The following ATRNL1 variants were observed in gnomAD, a reference collection of about 807,000 sequenced individuals.
ATRNL1 encodes the protein attractin like 1.
ATRNL1 carries 95 observed loss-of-function variants against 182.7 expected under a neutral mutation model. That is an observed-to-expected ratio of 0.52 (90% CI 0.44 to 0.62). The LOEUF is 0.62. Among genes scored for constraint, ATRNL1 ranks in the 20% least tolerant of loss-of-function variants. The pLI, the probability that ATRNL1 is intolerant of heterozygous loss-of-function variation, is 0.00. For missense variants in ATRNL1, 1,471 were observed against 1,679.5 expected (o/e 0.88, Z 2.17); for synonymous variants, 576 against 568.3 (o/e 1.01, Z -0.19).
intron 26 of ATRNL1, among the ~76,000 whole-genome samples, chr10:115,576,428 T>C (rs77975797): frequency 6.6e-6 from 1 of 152,140 alleles, no homozygotes; most frequent in Non-Finnish European, 1.5e-5. Context: ...ATAGCCATCA[T>C]AACATGTGTC....
chr10:115,588,830 C>T lies in ATRNL1; in HGVS notation c.3795+39294C>T, dbSNP rs573752111. On this transcript the variant is annotated intron_variant, in intron 26 of 28. Coordinates refer to ENST00000355044, the MANE Select transcript of ATRNL1 (RefSeq NM_207303.4). ...GTGCATCTATGGAAGGAGGGAAAAT[C>T]AAGAGCTTCCTATTCTTCCATCTTG... Among the ~76,000 whole-genome samples the T allele has an allele frequency of 2.5e-4, 38 of 152,324 alleles. No homozygotes were observed. In the South Asian group the frequency reaches 7.7e-3, roughly 31 times the overall value.
chr10:115,495,876 G>A (rs1163932885), intron 24 of ATRNL1, among the ~76,000 whole-genome samples: 4 of 151,968 alleles, frequency 2.6e-5, no homozygotes, highest in African/African-American at 9.7e-5. Context: ...GAATATTTTT[G>A]TTAGTTTTCT....
chr10:115,475,679 T>C lies in ATRNL1; in HGVS notation c.3654+6350T>C, dbSNP rs564165409. ...TCATGATGATTATGTGAGATAGTTATGTGAAACAAAACCTTACCTATTGCA... is the reference window on the plus strand; with the variant it reads ...TCATGATGATTATGTGAGATAGTTACGTGAAACAAAACCTTACCTATTGCA... On this transcript the variant is annotated intron_variant, in intron 24 of 28. Coordinates refer to ENST00000355044, the MANE Select transcript of ATRNL1 (RefSeq NM_207303.4). Among the ~76,000 whole-genome samples, 7 of 151,574 alleles carry C rather than the reference T, an allele frequency of 4.6e-5. No individual in the cohort carries two copies. In the South Asian group the frequency reaches 1.4e-3, roughly 31 times the overall value.
chr10:115,129,993 AC>A (rs1376067087), intron 5 of ATRNL1, among the ~76,000 whole-genome samples: 1 of 152,200 alleles, frequency 6.6e-6, no homozygotes, highest in African/African-American at 2.4e-5. Context: ...TTTAAAAAGA[AC>A]TAGACTATTT....
chr10:115,267,999 G>T (rs1216288671), intron 12 of ATRNL1, among the ~76,000 whole-genome samples: 1 of 152,066 alleles, frequency 6.6e-6, no homozygotes, highest in Admixed American at 6.6e-5. Flanking sequence ...GACCTCAAGT[G>T]ATCCGTCTAC....
chr10:115,877,736 C>T (rs1295709430), intron 28 of ATRNL1, among the ~76,000 whole-genome samples: 1 of 152,202 alleles, frequency 6.6e-6, no homozygotes, highest in Middle Eastern at 3.2e-3. Flanking sequence ...GTTCAGCCAA[C>T]CACATAACTA....
At chr10:115,458,548 C>G (rs778107664) in intron 21 of ATRNL1, among the ~76,000 whole-genome samples, 161 of 152,022 alleles carry the variant, frequency 1.1e-3, no homozygotes, top group Non-Finnish European at 1.4e-3. Context: ...ATTTTCAACT[C>G]TATTAAATAT....
At chr10:115,326,022 A>G (rs187441804) in intron 18 of ATRNL1, among the ~76,000 whole-genome samples, 129 of 152,100 alleles carry the variant, frequency 8.5e-4, no homozygotes, top group South Asian at 3.5e-3. Flanking sequence ...TTTTGTTTTT[A>G]CCTGAGTGAA....
At chr10:115,560,877 A>G (rs552495976) in intron 26 of ATRNL1, among the ~76,000 whole-genome samples, 1 of 152,296 alleles carries the variant, frequency 6.6e-6, no homozygotes, top group Non-Finnish European at 1.5e-5. Context: ...TGATTTTTAC[A>G]AGGGTACCAA....
chr10:115,188,718 C>T (rs992175514), intron 8 of ATRNL1, among the ~76,000 whole-genome samples: 1 of 128,742 alleles, frequency 7.8e-6, no homozygotes. Flanking sequence ...ATGAGTTTCT[C>T]CTCTGCTCTT....
At chr10:115,301,621 C>G (rs1321674760) in intron 16 of ATRNL1, among the ~76,000 whole-genome samples, 1 of 152,146 alleles carries the variant, frequency 6.6e-6, no homozygotes, top group East Asian at 1.9e-4. Flanking sequence ...AATTATACAA[C>G]TTTATATACT....
chr10:115,664,288 CAGCTTCACCATAGCAAAAGCATAGCAA>C (rs1860874652), intron 26 of ATRNL1, among the ~76,000 whole-genome samples: 3 of 152,140 alleles, frequency 2.0e-5, no homozygotes, highest in African/African-American at 7.2e-5. Flanking sequence ...AAAGTAGTAA[CAGCTTCACCATAGCAAAAGCATAGCAA>C]AGAAAGGCAG....
intron 19 of ATRNL1, among the ~76,000 whole-genome samples, chr10:115,334,657 TCAAA>T (rs1457605677): frequency 2.6e-5 from 4 of 152,208 alleles, no homozygotes; most frequent in Non-Finnish European, 4.4e-5. Flanking sequence ...TTGTAATTTC[TCAAA>T]CACAGATAAA....
intron 9 of ATRNL1, among the ~76,000 whole-genome samples, chr10:115,227,968 T>G (rs1250937563): frequency 6.6e-6 from 1 of 152,176 alleles, no homozygotes; most frequent in African/African-American, 2.4e-5. Flanking sequence ...GCAGCAAAGC[T>G]TCTGGAGTGG....
chr10:115,576,208 T>C (rs1854698941), intron 26 of ATRNL1, among the ~76,000 whole-genome samples: 2 of 152,120 alleles, frequency 1.3e-5, no homozygotes, highest in African/African-American at 4.8e-5. Flanking sequence ...GGATCACAGC[T>C]AGCTCTGTGA....
intron 5 of ATRNL1, among the ~76,000 whole-genome samples, chr10:115,141,582 A>G (rs894370704): frequency 2.6e-5 from 4 of 152,126 alleles, no homozygotes; most frequent in Non-Finnish European, 4.4e-5. Context: ...TATCTGAAGT[A>G]TTTTATCTGG....
chr10:115,461,081 TA>T (rs1397065691), intron 21 of ATRNL1, among the ~76,000 whole-genome samples: 5 of 152,130 alleles, frequency 3.3e-5, no homozygotes, highest in African/African-American at 1.2e-4. Context: ...GTTTTAAAAA[TA>T]AATTCAGTTA....
intron 26 of ATRNL1, among the ~76,000 whole-genome samples, chr10:115,655,937 A>G (rs1003678531): frequency 2.6e-5 from 4 of 152,162 alleles, no homozygotes; most frequent in African/African-American, 9.7e-5. Context: ...TAAATAGGAA[A>G]ATAAGCCTGA....
intron 24 of ATRNL1, among the ~76,000 whole-genome samples, chr10:115,509,668 A>T (rs1314634887): frequency 2.6e-5 from 4 of 151,970 alleles, no homozygotes; most frequent in African/African-American, 9.7e-5. Context: ...TGAGCCAATT[A>T]AGCCCCTTTT....
Sources: gnomAD v4.1 joint callset for allele counts (sites outside exome capture counted in the v4.1 genomes callset) on GRCh38, gnomAD v4.1.1 for gene constraint, MANE v1.5 for transcripts, NCBI Gene and HGNC (gene_info 2026-07-23, HGNC 2026-07-21) for gene names.